Variants in ADGRG3 observed in about 807,000 individuals in gnomAD.
ADGRG3 encodes adhesion G protein-coupled receptor G3, also known as G protein-coupled receptor 97.
A neutral mutation model predicts 54.3 loss-of-function variants in ADGRG3; 39 were observed. The ratio of observed to expected loss-of-function variants is 0.72; its 90% CI spans 0.56 to 0.94. ADGRG3 has a LOEUF of 0.94. Among genes scored for constraint, ADGRG3 ranks in the 40% least tolerant of loss-of-function variants. The pLI is 0.00. For synonymous variants in ADGRG3, 312 were observed against 290.0 expected, an observed-to-expected ratio of 1.08 and a Z score of -0.77; for missense variants, 654 against 694.6, an observed-to-expected ratio of 0.94 and a Z score of 0.66.
At chr16:57,678,062 G>C in intron 3 of ADGRG3, 108 bp from the exon 4 acceptor site, 1 of 1,382,808 alleles carries the variant, frequency 7.2e-7, no homozygotes, top group Non-Finnish European at 1.0e-6. Context: ...ACAGTCCCCA[G>C]GTGCTGCCCC....
chr16:57,685,011 T>C (rs77207348), intron 10 of ADGRG3, among the ~76,000 whole-genome samples: 4,336 of 152,286 alleles, frequency 0.028, 181 homozygotes, highest in African/African-American at 0.097. Flanking sequence ...ATCTGCACCA[T>C]GGGGGAACTG....
At chr16:57,666,147 G>A (rs1461062002), upstream of ADGRG3, among the ~76,000 whole-genome samples, 1 of 152,170 alleles carries the variant, frequency 6.6e-6, no homozygotes, top group East Asian at 1.9e-4. Context: ...AGGTCTCCGT[G>A]AGGGGGGTCT....
intron 4 of ADGRG3, chr16:57,678,549 G>A: frequency 3.5e-6 from 2 of 566,664 alleles, no homozygotes; most frequent in Non-Finnish European, 6.3e-6. Flanking sequence ...ACACATGAGT[G>A]CCCTTTGGCT....
At position 57,685,765 on chromosome 16, in the gene ADGRG3, TG is replaced by T; in HGVS notation, c.1380del (p.Ser461ProfsTer28). 6.2e-7 allele frequency: 1 copy of T among 1,614,210 alleles called. No individual in the cohort carries two copies. Among genetic ancestry groups the T allele is most frequent in the South Asian group, 1.1e-5 (1 of 91,088 alleles). On this transcript the variant is annotated frameshift_variant, in exon 11 of 12. Transcript: ENST00000333493. LOFTEE classifies it high-confidence loss of function. ...LALVVWKIFT[L>X]SRATAVKERG... ...CTGGTGGTCTGGAAGATCTTCACCC[TG>T]TCCCGTGCTACAGCGGTCAAGGAGC...
In ADGRG3 at chr16:57,668,365, C is replaced by T. The variant is rs1298216996; in HGVS notation, c.18C>T (p.Gly6=). The T allele has an allele frequency of 1.3e-6, 2 of 1,574,806 alleles. No homozygotes were observed. The highest frequency in any genetic ancestry group is 3.7e-5 in the Admixed American group (2 of 54,522). Reference sequence around the variant, plus strand: ...GGCCAAGGATGGCGACGCCCAGGGGCCTGGGGGCCCTGCTCCTGCTCCTCC... The same window carrying T: ...GGCCAAGGATGGCGACGCCCAGGGGTCTGGGGGCCCTGCTCCTGCTCCTCC... The part of the protein sequence containing the change: MATPR[G]LGALLLLLLL... The change falls in exon 1 of 12, where the codon GGC becomes GGT. Residue 6 remains glycine, a synonymous_variant. Coordinates refer to ENST00000333493, the MANE Select transcript of ADGRG3 (RefSeq NM_170776.5).
chr16:57,676,451 C>G, intron 3 of ADGRG3, 113 bp downstream of exon 3: 1 of 990,660 alleles, frequency 1.0e-6, no homozygotes, highest in Non-Finnish European at 1.5e-6. Context: ...TGTCCCTCCC[C>G]CACGTCCCAA....
At position 57,678,301 on chromosome 16, in the gene ADGRG3, A is replaced by T; in HGVS notation, c.477A>T (p.Pro159=). 1 of 1,614,208 alleles carries T rather than the reference A, an allele frequency of 6.2e-7. No individual in the cohort carries two copies. The highest frequency in any genetic ancestry group is 8.5e-7 in the Non-Finnish European group (1 of 1,180,010). Residue 159 remains proline (P), a synonymous_variant, in exon 4 of 12, where the codon CCA becomes CCT. Transcript: ENST00000333493. The part of the protein sequence containing the change: ...RLAVTILDIG[P]GTLFKGPRLG... Reference sequence around the variant, plus strand: ...CCGTCACCATTCTGGACATTGGTCCAGGGACTCTCTTCAAGGTGAGGACTC... The same window carrying T: ...CCGTCACCATTCTGGACATTGGTCCTGGGACTCTCTTCAAGGTGAGGACTC...
rs144153391 is a variant in ADGRG3 at position 57,678,378 on chromosome 16, T to C, written c.492+62T>C. Reference sequence around the variant, plus strand: ...GTCCTCTGGGGGCTCCATGCCACAGTTTGCTGTCACTGGAGCCTGCCGAGG... The same window carrying C: ...GTCCTCTGGGGGCTCCATGCCACAGCTTGCTGTCACTGGAGCCTGCCGAGG... On this transcript the variant is annotated intron_variant, in intron 4 of 11. Transcript: ENST00000333493. 11,878 of 1,550,452 alleles carry C rather than the reference T, an allele frequency of 7.7e-3. 82 individuals are homozygous for C. Among genetic ancestry groups the C allele is most frequent in the South Asian group, 0.023 (2,046 of 89,708 alleles).
intron 2 of ADGRG3, 40 bp downstream of exon 2, chr16:57,673,508 G>A: frequency 6.4e-7 from 1 of 1,573,512 alleles, no homozygotes; most frequent in Admixed American, 1.7e-5. Context: ...ATCTGAAGCT[G>A]CTGGGAGGAG....
At chr16:57,670,068 C>A (rs1327409033) in intron 1 of ADGRG3, among the ~76,000 whole-genome samples, 2 of 152,152 alleles carry the variant, frequency 1.3e-5, no homozygotes, top group Non-Finnish European at 2.9e-5. Context: ...TCACGGTGAG[C>A]CAGCAGGGGC....
At chr16:57,675,486 T>C (rs952534015) in intron 2 of ADGRG3, among the ~76,000 whole-genome samples, 1 of 151,940 alleles carries the variant, frequency 6.6e-6, no homozygotes, top group African/African-American at 2.4e-5. Flanking sequence ...AAAAAATTAG[T>C]TGGGTGTGGT....
chr16:57,678,207 C>T lies in ADGRG3; in HGVS notation c.383C>T (p.Pro128Leu), dbSNP rs529478569. The change falls in exon 4 of 12, where the codon CCT becomes CTT. Residue 128 changes from proline (P) to leucine (L), a missense_variant. Transcript: ENST00000333493. ...RQVMKDEDKP[P>L]DRVRLPKSLF... ...GTGATGAAGGACGAGGACAAGCCCC[C>T]TGACAGAGTGCGACTTCCCAAGAGC... The T allele has an allele frequency of 1.2e-6, 2 of 1,614,214 alleles. No homozygotes were observed. The highest frequency in any genetic ancestry group is 2.7e-5 in the African/African-American group (2 of 75,068).
At chr16:57,673,600 C>A in intron 2 of ADGRG3, 132 bp downstream of exon 2, 1 of 791,022 alleles carries the variant, frequency 1.3e-6, no homozygotes, top group Non-Finnish European at 2.0e-6. Context: ...CCTTGTTTGA[C>A]ACCACAGTCC....
chr16:57,689,281 G>C lies in ADGRG3; in HGVS notation c.*820G>C, dbSNP rs1465689484. On this transcript the variant is annotated 3_prime_UTR_variant, in exon 12 of 12. Transcript: ENST00000333493. The stretch of plus-strand genomic sequence containing the variant: ...ATTGCCACTAGGACCTGAGCTCCTA[G>C]AGAACAAGGACCTGGGTGGCCTCGC... The C allele has an allele frequency of 6.4e-6, 1 of 155,142 alleles. No individual in the cohort carries two copies. Among genetic ancestry groups the C allele is most frequent in the Non-Finnish European group, 1.4e-5 (1 of 69,872 alleles). The allele number at this position is 155,142 out of a possible 1,614,324, so 9.6% of individuals were successfully genotyped here. A position where few individuals can be genotyped will look rare whatever the true frequency, so the allele number is the denominator to read the frequency against.
intron 4 of ADGRG3, 106 bp from the exon 5 acceptor site, chr16:57,679,071 C>T: frequency 1.5e-6 from 2 of 1,375,224 alleles, no homozygotes; most frequent in South Asian, 1.3e-5. Context: ...GAACTCTGCC[C>T]TCCAAGCAAA....
chr16:57,675,041 T>C (rs1597759350), intron 2 of ADGRG3, among the ~76,000 whole-genome samples: 1 of 147,634 alleles, frequency 6.8e-6, no homozygotes, highest in African/African-American at 2.5e-5. Context: ...AGCAGCATCT[T>C]GTACGTGAAT....
rs139503293 is a variant in ADGRG3 at position 57,684,173 on chromosome 16, T to G, written c.1123T>G (p.Phe375Val). ...LLAVRVFNTY[F>V]GHYFLKLSLV... ...CGCTGTCAGGGTCTTCAACACCTAC[T>G]TCGGGCACTACTTCCTGAAGCTGAG... Residue 375 changes from phenylalanine to valine, a missense_variant, in exon 9 of 12, where the codon TTC becomes GTC. By Grantham distance (50) the Phe-to-Val change is conservative. Coordinates refer to ENST00000333493, the MANE Select transcript of ADGRG3 (RefSeq NM_170776.5). The G allele has an allele frequency of 2.9e-5, 46 of 1,613,836 alleles. No homozygotes were observed. The highest frequency in any genetic ancestry group is 3.9e-5 in the Non-Finnish European group (46 of 1,179,922).
At position 57,676,181 on chromosome 16, in the gene ADGRG3, C is replaced by A. The variant is rs12596635; in HGVS notation, c.207-19C>A. 24 of 1,611,230 alleles carry A rather than the reference C, an allele frequency of 1.5e-5. No homozygotes were observed. The highest frequency in any genetic ancestry group is 6.7e-5 in the East Asian group (3 of 44,804). ...AGCCTGCAGGATCCTACCCTCCCCC[C>A]ATCCCTGGCCCTTTGCAGATACTGG... On this transcript the variant is annotated intron_variant, in intron 2 of 11. Transcript: ENST00000333493.
chr16:57,684,114 GGA>G lies in ADGRG3; in HGVS notation c.1065_1066del (p.Trp355CysfsTer4), dbSNP rs1259670546. On this transcript the variant is annotated frameshift_variant, in exon 9 of 12. Coordinates refer to ENST00000333493, the MANE Select transcript of ADGRG3 (RefSeq NM_170776.5). LOFTEE classifies it high-confidence loss of function. Reference sequence around the variant, plus strand: ...TACTTCCTGCTCTGTGCCTTCACCTGGATGGGCCTTGAAGCCTTCCACCTCTA... The same window carrying G: ...TACTTCCTGCTCTGTGCCTTCACCTGTGGGCCTTGAAGCCTTCCACCTCTA... The G allele has an allele frequency of 1.2e-6, 2 of 1,613,996 alleles. No homozygotes were observed. The highest frequency in any genetic ancestry group is 1.7e-6 in the Non-Finnish European group (2 of 1,179,992).
Sources: gnomAD v4.1 joint callset for allele counts (sites outside exome capture counted in the v4.1 genomes callset) on GRCh38, gnomAD v4.1.1 for gene constraint, MANE v1.5 for transcripts, NCBI Gene and HGNC (gene_info 2026-07-23, HGNC 2026-07-21) for gene names.